Variants in SLITRK1 observed in about 807,000 individuals in gnomAD.
SLITRK1 encodes SLIT and NTRK like family member 1.
In SLITRK1, 10 loss-of-function variants were observed where a neutral mutation model predicts 42.4. The observed-to-expected ratio is 0.24, with a 90% confidence interval of 0.15 to 0.40. The LOEUF (loss-of-function observed/expected upper bound fraction) is 0.40. Ranked by LOEUF, SLITRK1 falls within the 10% of genes least tolerant of loss-of-function variation. The pLI is 1.00. For synonymous variants in SLITRK1, 389 were observed against 365.7 expected, an observed-to-expected ratio of 1.06 and a Z score of -0.73; for missense variants, 778 against 848.8, an observed-to-expected ratio of 0.92 and a Z score of 1.04.
Position 83,877,251 on chromosome 13 carries a change from A to G in SLITRK1, c.*2166T>C, listed in dbSNP as rs1884708539. 6.6e-6 allele frequency: 1 copy of G among 152,186 alleles called. No homozygotes were observed. The highest frequency in any genetic ancestry group is 6.5e-5 in the Admixed American group (1 of 15,272). 9.4% of individuals were successfully genotyped at this position (152,186 alleles called of 1,614,324 possible). On this transcript the variant is annotated 3_prime_UTR_variant, in exon 2 of 2. Coordinates refer to ENST00000674365, the MANE Select transcript of SLITRK1 (RefSeq NM_001281503.2). ...TTATTAAAAAAGTGTTAAAATAAATAATACATATTCCAGAACATCACTGTT... is the reference window on the plus strand; with the variant it reads ...TTATTAAAAAAGTGTTAAAATAAATGATACATATTCCAGAACATCACTGTT...
chr13:83,880,412 T>C lies in SLITRK1; in HGVS notation c.1096A>G (p.Ser366Gly), dbSNP rs778092607. 14 of 1,613,986 alleles carry C rather than the reference T, an allele frequency of 8.7e-6. No homozygotes were observed. The South Asian group carries it at 1.3e-4, about 15-fold the overall frequency. Reference sequence around the variant, plus strand: ...AGCTTGGGCTTCAAATCAGCCAAGCTGCTCACGTTCCTGTTGTTGCAGTTC... The same window carrying C: ...AGCTTGGGCTTCAAATCAGCCAAGCCGCTCACGTTCCTGTTGTTGCAGTTC... The part of the protein sequence containing the change: ...KMNCNNRNVS[S>G]LADLKPKLSN... Residue 366 changes from serine (S) to glycine (G), a missense_variant, in exon 2 of 2, where the codon AGC (serine) becomes GGC (glycine). Ser to Gly is a moderately conservative substitution (Grantham distance 56). Transcript: ENST00000674365.
rs1424516637 is a variant in SLITRK1, at chr13:83,880,430, T to C, written c.1078A>G (p.Asn360Asp). ...GCCAAGCTGCTCACGTTCCTGTTGTTGCAGTTCATCTTTAAACCCGACCCT... is the reference window on the plus strand; with the variant it reads ...GCCAAGCTGCTCACGTTCCTGTTGTCGCAGTTCATCTTTAAACCCGACCCT... ...IPGSGLKMNC[N>D]NRNVSSLADL... The change falls in exon 2 of 2, where the codon AAC becomes GAC. Residue 360 changes from asparagine (N) to aspartate (D), a missense_variant. Coordinates refer to ENST00000674365, the MANE Select transcript of SLITRK1 (RefSeq NM_001281503.2). 1.9e-6 allele frequency: 3 copies of C among 1,613,864 alleles called. No individual in the cohort carries two copies. Among genetic ancestry groups the C allele is most frequent in the Admixed American group, 1.7e-5 (1 of 59,986 alleles).
Position 83,880,615 on chromosome 13 carries a change from T to C in SLITRK1, c.893A>G (p.His298Arg), listed in dbSNP as rs758979895. The C allele has an allele frequency of 1.9e-6, 3 of 1,614,064 alleles. No homozygotes were observed. Among genetic ancestry groups the C allele is most frequent in the Non-Finnish European group, 2.5e-6 (3 of 1,180,052 alleles). Reference protein sequence around the residue: ...TPFKTNGQEDHATPGSAPNGG... With the variant: ...TPFKTNGQEDRATPGSAPNGG... ...GTTTGGAGCAGACCCTGGTGTGGCA[T>C]GATCCTCTTGCCCATTTGTCTTGAA... Residue 298 changes from histidine (H) to arginine (R), a missense_variant, in exon 2 of 2, where the codon CAT (histidine) becomes CGT (arginine). This residue lies in a region of SLITRK1 where 395 missense variants were observed against 360.4 expected (regional missense o/e 1.10). Transcript: ENST00000674365.
In SLITRK1 at chr13:83,879,426, G is replaced by T. The variant is rs1884758992; in HGVS notation, c.2082C>A (p.Leu694=). ...HRVYDCGSHS[L]SD is the part of the protein sequence containing the mutation. Reference sequence around the variant, plus strand: ...TATTGGGGTTGGGGTCTTAGTCTGAGAGCGAGTGAGAGCCACAGTCATACA... The same window carrying T: ...TATTGGGGTTGGGGTCTTAGTCTGATAGCGAGTGAGAGCCACAGTCATACA... Residue 694 remains leucine (L), a synonymous_variant, in exon 2 of 2, where the codon CTC becomes CTA. Coordinates refer to ENST00000674365, the MANE Select transcript of SLITRK1 (RefSeq NM_001281503.2). The T allele has an allele frequency of 6.2e-7, 1 of 1,613,204 alleles. No homozygotes were observed.
rs571657948 is a variant in SLITRK1, at chr13:83,881,133, A to T, written c.375T>A (p.Thr125=). ...ATTCCAGATCGTCCAGCCCCAGAAA[A>T]GTCTGCTTTCGAAAAGACTTGATCT... The part of the protein sequence containing the change: ...NNKIKSFRKQ[T]FLGLDDLEYL... Residue 125 remains threonine (T), a synonymous_variant, in exon 2 of 2, where the codon ACT becomes ACA. Transcript: ENST00000674365. The T allele has an allele frequency of 3.1e-6, 5 of 1,614,056 alleles. No homozygotes were observed. The highest frequency in any genetic ancestry group is 2.7e-5 in the African/African-American group (2 of 74,992).
Position 83,882,061 on chromosome 13 carries a change from T to TGG in SLITRK1, c.-113_-112dup. ...CGGCTTCTGTTGTTGAGGCTGCTGG[T>TGG]GGAGTTCTTGCTGTGGTTGCGGGTT... On this transcript the variant is annotated 5_prime_UTR_variant, in exon 1 of 2. Coordinates refer to ENST00000674365, the MANE Select transcript of SLITRK1 (RefSeq NM_001281503.2). 5.9e-6 allele frequency: 1 copy of TGG among 168,386 alleles called. No homozygotes were observed. Among genetic ancestry groups the TGG allele is most frequent in the East Asian group, 1.9e-4 (1 of 5,172 alleles). The allele number at this position is 168,386 out of a possible 1,614,324, so 10.4% of individuals were successfully genotyped here. A position where few individuals can be genotyped will look rare whatever the true frequency, so the allele number is the denominator to read the frequency against.
Position 83,879,284 on chromosome 13 carries a change from T to C in SLITRK1, c.*133A>G. Reference sequence around the variant, plus strand: ...CCCTTTCGGTTGTGCGAGCTCACAGTTATTTATCTACTTATGCCCATCCAG... The same window carrying C: ...CCCTTTCGGTTGTGCGAGCTCACAGCTATTTATCTACTTATGCCCATCCAG... On this transcript the variant is annotated 3_prime_UTR_variant, in exon 2 of 2. Coordinates refer to ENST00000674365, the MANE Select transcript of SLITRK1 (RefSeq NM_001281503.2). 9.1e-7 allele frequency: 1 copy of C among 1,101,574 alleles called. No individual in the cohort carries two copies. The highest frequency in any genetic ancestry group is 1.3e-6 in the Non-Finnish European group (1 of 753,574). The allele number at this position is 1,101,574 out of a possible 1,614,324, so 68.2% of individuals were successfully genotyped here. A position where few individuals can be genotyped will look rare whatever the true frequency, so the allele number is the denominator to read the frequency against.
rs756967655 is a variant in SLITRK1 at position 83,880,049 on chromosome 13, G to A, written c.1459C>T (p.Pro487Ser). 7 of 1,614,034 alleles carry A rather than the reference G, an allele frequency of 4.3e-6. No individual in the cohort carries two copies. Among genetic ancestry groups the A allele is most frequent in the Non-Finnish European group, 5.9e-6 (7 of 1,180,006 alleles). ...ILNNNLLRSL[P>S]VDVFAGVSLS... ...GAGACCCCAGCGAACACGTCCACAG[G>A]CAGGGACCTCAGCAGGTTGTTGTTG... is the stretch of plus-strand genomic sequence containing the variant. Residue 487 changes from proline (P) to serine (S), a missense_variant, in exon 2 of 2, where the codon CCT becomes TCT. Around this residue, in one of 4 missense-constraint regions of SLITRK1, gnomAD observed 395 missense variants for 360.4 expected, o/e 1.10. Coordinates refer to ENST00000674365, the MANE Select transcript of SLITRK1 (RefSeq NM_001281503.2).
At chr13:83,881,827 T>G in intron 1 of SLITRK1, 177 bp downstream of exon 1, 1 of 319,432 alleles carries the variant, frequency 3.1e-6, no homozygotes, top group Non-Finnish European at 6.0e-6. Context: ...AAAAAGAAGT[T>G]AAATATATAC....
rs1170495695 is a variant in SLITRK1, at chr13:83,880,494, A to T, written c.1014T>A (p.Ser338Arg). 1.9e-5 allele frequency: 30 copies of T among 1,613,984 alleles called. No individual in the cohort carries two copies. Among genetic ancestry groups the T allele is most frequent in the Non-Finnish European group, 2.5e-5 (30 of 1,179,992 alleles). ...AGCTGCAGCCCCCAGGGCAGGGTAAACTGTTAGCTAAGGGTTTGTTCCTGG... is the reference window on the plus strand; with the variant it reads ...AGCTGCAGCCCCCAGGGCAGGGTAATCTGTTAGCTAAGGGTTTGTTCCTGG... ...GSSRNKPLAN[S>R]LPCPGGCSCD... Residue 338 changes from serine (S) to arginine (R), a missense_variant, in exon 2 of 2, where the codon AGT (serine) becomes AGA (arginine). Physicochemically the swap from Ser to Arg is moderately radical, Grantham distance 110 (BLOSUM62 -1). Transcript: ENST00000674365.
In SLITRK1 at chr13:83,880,395, C is replaced by T; in HGVS notation, c.1113G>A (p.Lys371=). 6.2e-7 allele frequency: 1 copy of T among 1,613,888 alleles called. No individual in the cohort carries two copies. The highest frequency in any genetic ancestry group is 8.5e-7 in the Non-Finnish European group (1 of 1,180,014). Residue 371 remains lysine, a synonymous_variant, in exon 2 of 2, where the codon AAG becomes AAA. Transcript: ENST00000674365. ...GCTCCTGCACGTTAGAGAGCTTGGG[C>T]TTCAAATCAGCCAAGCTGCTCACGT... The part of the protein sequence containing the change: ...NRNVSSLADL[K]PKLSNVQELF...
Position 83,880,600 on chromosome 13 carries a change from G to C in SLITRK1, c.908C>G (p.Ser303Cys), listed in dbSNP as rs1381428251. 2 of 1,614,044 alleles carry C rather than the reference G, an allele frequency of 1.2e-6. No individual in the cohort carries two copies. The highest frequency in any genetic ancestry group is 2.7e-5 in the African/African-American group (2 of 74,918). ...GATCTTTGTACCTCCGTTTGGAGCA[G>C]ACCCTGGTGTGGCATGATCCTCTTG... ...NGQEDHATPG[S>C]APNGGTKIPG... The change falls in exon 2 of 2, where the codon TCT becomes TGT. Residue 303 changes from serine (S) to cysteine (C), a missense_variant. By Grantham distance (112) the Ser-to-Cys change is moderately radical (BLOSUM62 -1). Around this residue, in one of 4 missense-constraint regions of SLITRK1, gnomAD observed 395 missense variants for 360.4 expected, o/e 1.10. Transcript: ENST00000674365.
At chr13:83,881,588 C>A in intron 1 of SLITRK1, 28 bp from the exon 2 acceptor site, 2 of 1,141,840 alleles carry the variant, frequency 1.8e-6, no homozygotes, top group South Asian at 2.4e-5. Context: ...AATTCAAGTT[C>A]ATTTAGTGCT....
At position 83,877,363 on chromosome 13, in the gene SLITRK1, A is replaced by G. The variant is rs189743614; in HGVS notation, c.*2054T>C. The G allele has an allele frequency of 4.1e-5, 5 of 120,758 alleles. No individual in the cohort carries two copies. In the East Asian group the frequency reaches 1.2e-3, roughly 29 times the overall value. The allele number at this position is 120,758 out of a possible 1,614,324, so 7.5% of individuals were successfully genotyped here. On this transcript the variant is annotated 3_prime_UTR_variant, in exon 2 of 2. Transcript: ENST00000674365. ...TGAGGTCTTTCACTAGCTGATTTAT[A>G]ATCCTATATTAAAAAAAAATCTATA...
In SLITRK1 at chr13:83,878,638, C is replaced by T. The variant is rs1164202855; in HGVS notation, c.*779G>A. 1 of 152,616 alleles carries T rather than the reference C, an allele frequency of 6.6e-6. No homozygotes were observed. Among genetic ancestry groups the T allele is most frequent in the Non-Finnish European group, 1.5e-5 (1 of 68,034 alleles). 9.5% of individuals were successfully genotyped at this position (152,616 alleles called of 1,614,324 possible). On this transcript the variant is annotated 3_prime_UTR_variant, in exon 2 of 2. Coordinates refer to ENST00000674365, the MANE Select transcript of SLITRK1 (RefSeq NM_001281503.2). ...CCCTCAACAAAATACATTGTTAACT[C>T]ATAAAATGGACTGATGACTAGCCAT... is the stretch of plus-strand genomic sequence containing the variant.
rs1363944575 is a variant in SLITRK1, at chr13:83,882,314, T to C, written c.-364A>G. 6.4e-6 allele frequency: 1 copy of C among 156,284 alleles called. No individual in the cohort carries two copies. The highest frequency in any genetic ancestry group is 1.5e-5 in the Non-Finnish European group (1 of 66,270). The allele number at this position is 156,284 out of a possible 1,614,324, so 9.7% of individuals were successfully genotyped here. A position where few individuals can be genotyped will look rare whatever the true frequency, so the allele number is the denominator to read the frequency against. On this transcript the variant is annotated 5_prime_UTR_variant, in exon 1 of 2. Transcript: ENST00000674365. Reference sequence around the variant, plus strand: ...AGCTCTTCTTTTCCTGTTCTCCTTCTCTTTCTTCTGCTCTTTCGGAATTAC... The same window carrying C: ...AGCTCTTCTTTTCCTGTTCTCCTTCCCTTTCTTCTGCTCTTTCGGAATTAC...
Position 83,881,268 on chromosome 13 carries a change from G to C in SLITRK1, c.240C>G (p.Asn80Lys). The change falls in exon 2 of 2, where the codon AAC becomes AAG. Residue 80 changes from asparagine to lysine, a missense_variant. Around this residue, in one of 4 missense-constraint regions of SLITRK1, gnomAD observed 204 missense variants for 295.3 expected, o/e 0.69. Coordinates refer to ENST00000674365, the MANE Select transcript of SLITRK1 (RefSeq NM_001281503.2). ...LTRLFPNEFA[N>K]FYNAVSLHME... ...TGTGCAAACTAACCGCATTATAAAAGTTAGCGAACTCATTAGGGAAAAGTC... is the reference window on the plus strand; with the variant it reads ...TGTGCAAACTAACCGCATTATAAAACTTAGCGAACTCATTAGGGAAAAGTC... 1 of 1,614,098 alleles carries C rather than the reference G, an allele frequency of 6.2e-7. No homozygotes were observed. Among genetic ancestry groups the C allele is most frequent in the Non-Finnish European group, 8.5e-7 (1 of 1,180,032 alleles).
chr13:83,877,453 T>G lies in SLITRK1; in HGVS notation c.*1964A>C, dbSNP rs555277728. ...TGGTGGAATGCAGACTCCATCAATA[T>G]GTGTGGTTTTGTTTGCTTTTTGTAG... On this transcript the variant is annotated 3_prime_UTR_variant, in exon 2 of 2. Coordinates refer to ENST00000674365, the MANE Select transcript of SLITRK1 (RefSeq NM_001281503.2). 2.3e-4 allele frequency: 35 copies of G among 152,210 alleles called. No homozygotes were observed. Among genetic ancestry groups the G allele is most frequent in the Non-Finnish European group, 3.8e-4 (26 of 68,008 alleles). The allele number at this position is 152,210 out of a possible 1,614,324, so 9.4% of individuals were successfully genotyped here.
chr13:83,880,357 T>C lies in SLITRK1; in HGVS notation c.1151A>G (p.Asp384Gly), dbSNP rs1414608398. 8.7e-6 allele frequency: 14 copies of C among 1,613,986 alleles called. No homozygotes were observed. The highest frequency in any genetic ancestry group is 1.2e-5 in the Non-Finnish European group (14 of 1,180,012). ...TTTTCGGATGCTGTGGATCTTGTTA[T>C]CTCGTAGGAAAAGCTCCTGCACGTT... ...LSNVQELFLRDNKIHSIRKSH... is the reference protein window; with the variant it reads ...LSNVQELFLRGNKIHSIRKSH... The change falls in exon 2 of 2, where the codon GAT becomes GGT. Residue 384 changes from aspartate (D) to glycine (G), a missense_variant. Physicochemically the swap from Asp to Gly is moderately conservative, Grantham distance 94. This residue lies in a region of SLITRK1 where 395 missense variants were observed against 360.4 expected (regional missense o/e 1.10). Coordinates refer to ENST00000674365, the MANE Select transcript of SLITRK1 (RefSeq NM_001281503.2).
Sources: gnomAD v4.1 joint callset for allele counts on GRCh38, gnomAD v4.1.1 for gene constraint, gnomAD v4.1.1 regional missense constraint, MANE v1.5 for transcripts, NCBI Gene and HGNC (gene_info 2026-07-23, HGNC 2026-07-21) for gene names.